Variants in PPP2R2D observed in about 807,000 individuals in gnomAD.
PPP2R2D encodes the protein protein phosphatase 2 regulatory subunit Bdelta, also known as serine/threonine-protein phosphatase 2A 55 kDa regulatory subunit B delta isoform.
Under a neutral mutation model 31.1 loss-of-function variants are expected in PPP2R2D, and 9 were observed. The ratio of observed to expected loss-of-function variants is 0.29; its 90% CI spans 0.17 to 0.51. PPP2R2D has a LOEUF of 0.51. PPP2R2D is among the 20% of genes least tolerant of loss of function. The probability of loss-of-function intolerance (pLI) is 0.98; values close to 1 mark genes in which losing one functional copy is unlikely to be tolerated. For synonymous variants in PPP2R2D, 179 were observed against 172.6 expected (o/e 1.04, Z -0.29); for missense variants, 391 against 465.6 (o/e 0.84, Z 1.48).
rs2036836786 is a variant in PPP2R2D, at chr10:131,957,814, A to G, written c.*1851A>G. 5 of 134,500 alleles carry G rather than the reference A, an allele frequency of 3.7e-5. No homozygotes were observed. Among genetic ancestry groups the G allele is most frequent in the South Asian group, 1.8e-4 (1 of 5,702 alleles). 8.3% of individuals were successfully genotyped at this position (134,500 alleles called of 1,614,324 possible). A position where few individuals can be genotyped will look rare whatever the true frequency, so the allele number is the denominator to read the frequency against. On this transcript the variant is annotated 3_prime_UTR_variant, in exon 9 of 9. Coordinates refer to ENST00000455566, the MANE Select transcript of PPP2R2D (RefSeq NM_018461.5). ...TGTGCTGATCCCCATCCCCCTGTGG[A>G]GATGAAGGTGTGTGCTGATCCCCCA...
chr10:131,924,397 G>T (rs1365603990), intron 2 of PPP2R2D, among the ~76,000 whole-genome samples: 1 of 152,008 alleles, frequency 6.6e-6, no homozygotes, highest in Non-Finnish European at 1.5e-5. Context: ...TTTGCATGTG[G>T]ATATTTAGAT....
chr10:131,943,637 G>A (rs528829901), intron 5 of PPP2R2D, among the ~76,000 whole-genome samples: 1 of 152,310 alleles, frequency 6.6e-6, no homozygotes, highest in South Asian at 2.1e-4. Flanking sequence ...TTGCTGTCCA[G>A]CGCCTCAGTG....
At chr10:131,913,460 T>A (rs1419948822) in intron 2 of PPP2R2D, among the ~76,000 whole-genome samples, 1 of 152,168 alleles carries the variant, frequency 6.6e-6, no homozygotes, top group Non-Finnish European at 1.5e-5. Context: ...ATTATACATG[T>A]GTCTTTGACT....
At chr10:131,927,435 A>G (rs558811957) in intron 2 of PPP2R2D, among the ~76,000 whole-genome samples, 40 of 152,276 alleles carry the variant, frequency 2.6e-4, no homozygotes, top group African/African-American at 9.4e-4. Flanking sequence ...GGGTTGGAGT[A>G]CAGGAGGCCC....
At chr10:131,943,938 T>C (rs2036487966) in intron 5 of PPP2R2D, 30 bp from the exon 6 acceptor site, 1 of 787,114 alleles carries the variant, frequency 1.3e-6, no homozygotes, top group Non-Finnish European at 2.3e-6. Context: ...GTGATCTTTG[T>C]TTTGAATTCC....
chr10:131,914,612 A>T (rs1351337357), intron 2 of PPP2R2D, among the ~76,000 whole-genome samples: 1 of 152,168 alleles, frequency 6.6e-6, no homozygotes, highest in Admixed American at 6.5e-5. Flanking sequence ...AGGCGGTTAC[A>T]TGTGTTAGAA....
intron 2 of PPP2R2D, among the ~76,000 whole-genome samples, chr10:131,914,753 C>G (rs1180766249): frequency 2.0e-5 from 3 of 152,166 alleles, no homozygotes; most frequent in East Asian, 1.9e-4. Context: ...AAATGCTGCT[C>G]TGGAAAGCAG....
chr10:131,920,317 TCA>T (rs530322593), intron 2 of PPP2R2D, among the ~76,000 whole-genome samples: 94 of 143,724 alleles, frequency 6.5e-4, no homozygotes, highest in African/African-American at 2.4e-3. Context: ...TGTAGGGACC[TCA>T]CGCGGGTGGA....
At chr10:131,942,963 A>G (rs2036467085) in intron 5 of PPP2R2D, among the ~76,000 whole-genome samples, 1 of 152,178 alleles carries the variant, frequency 6.6e-6, no homozygotes, top group Non-Finnish European at 1.5e-5. Flanking sequence ...TTTTTACAGA[A>G]TTCAGCCAGA....
chr10:131,928,254 T>G lies in PPP2R2D; in HGVS notation c.101-6204T>G, dbSNP rs1262855009. Reference sequence around the variant, plus strand: ...TTTTCCTTATAACCACCTCCTGGGCTGCTAGGCCACCTCAGTTCCTGGTGG... The same window carrying G: ...TTTTCCTTATAACCACCTCCTGGGCGGCTAGGCCACCTCAGTTCCTGGTGG... On this transcript the variant is annotated intron_variant, in intron 2 of 8. Transcript: ENST00000455566. Among the ~76,000 whole-genome samples the G allele has an allele frequency of 2.0e-5, 3 of 152,176 alleles. No individual in the cohort carries two copies. The East Asian group carries it at 5.8e-4, about 29-fold the overall frequency.
chr10:131,936,198 A>C (rs1453358480), intron 3 of PPP2R2D, among the ~76,000 whole-genome samples: 3 of 151,550 alleles, frequency 2.0e-5, no homozygotes, highest in Non-Finnish European at 4.4e-5. Flanking sequence ...CCTGGGCTGG[A>C]GTGCAATGGC....
At chr10:131,968,491 C>T in the PPP2R2D span, 17 of 1,540,248 alleles carry the variant, frequency 1.1e-5, no homozygotes, top group Non-Finnish European at 1.4e-5. Context: ...AGAAGTAATC[C>T]ACTAACGAAC....
intron 2 of PPP2R2D, among the ~76,000 whole-genome samples, chr10:131,906,591 C>T (rs1020740888): frequency 2.6e-5 from 4 of 152,048 alleles, no homozygotes; most frequent in African/African-American, 7.2e-5. Context: ...ATTAAGTTAA[C>T]TGTAGCATCA....
At chr10:131,970,834 G>A in the PPP2R2D span, 3 of 1,614,098 alleles carry the variant, frequency 1.9e-6, no homozygotes, top group Admixed American at 1.7e-5. The surrounding 1 kb of genome is among the most constrained non-coding windows in gnomAD (Gnocchi z 4.1). Flanking sequence ...CTGTCAAGGG[G>A]TGCCCCCGTG....
intron 2 of PPP2R2D, among the ~76,000 whole-genome samples, chr10:131,905,839 A>G (rs2035573625): frequency 6.6e-6 from 1 of 152,194 alleles, no homozygotes; most frequent in African/African-American, 2.4e-5. Flanking sequence ...ATGAAGCCCC[A>G]CTGTGGCATG....
chr10:131,944,686 A>G (rs1008056475), intron 6 of PPP2R2D, among the ~76,000 whole-genome samples: 1 of 152,104 alleles, frequency 6.6e-6, no homozygotes, highest in Non-Finnish European at 1.5e-5. Flanking sequence ...TCTGCTGTCC[A>G]GTGGCTTGAG....
In PPP2R2D at chr10:131,955,796, A is replaced by C; in HGVS notation, c.1195A>C (p.Lys399Gln). The C allele has an allele frequency of 1.2e-6, 2 of 1,600,464 alleles. No individual in the cohort carries two copies. Among genetic ancestry groups the C allele is most frequent in the East Asian group, 2.3e-5 (1 of 43,974 alleles). The change falls in exon 9 of 9, where the codon AAA becomes CAA. Residue 399 changes from lysine to glutamine, a missense_variant. Around this residue, in one of 3 missense-constraint regions of PPP2R2D, gnomAD observed 163 missense variants for 179.5 expected, o/e 0.91. Coordinates refer to ENST00000455566, the MANE Select transcript of PPP2R2D (RefSeq NM_018461.5). ...RESSKPRASL[K>Q]PRKVCTGGKR... Reference sequence around the variant, plus strand: ...GAGCAGCAAACCGCGCGCCAGCCTCAAACCCCGGAAGGTGTGTACGGGGGG... The same window carrying C: ...GAGCAGCAAACCGCGCGCCAGCCTCCAACCCCGGAAGGTGTGTACGGGGGG...
chr10:131,901,551 G>A (rs1387861516), intron 2 of PPP2R2D, among the ~76,000 whole-genome samples: 1 of 152,280 alleles, frequency 6.6e-6, no homozygotes, highest in Non-Finnish European at 1.5e-5. Flanking sequence ...CGGGCCCGCG[G>A]CGGGACTTAT....
chr10:131,904,117 T>C (rs1183333840), intron 2 of PPP2R2D, among the ~76,000 whole-genome samples: 1 of 151,578 alleles, frequency 6.6e-6, no homozygotes, highest in Non-Finnish European at 1.5e-5. Context: ...GACAGGAGGA[T>C]TGCTTAAACC....
Sources: gnomAD v4.1 joint callset for allele counts (sites outside exome capture counted in the v4.1 genomes callset) on GRCh38, gnomAD v4.1.1 for gene constraint, gnomAD v4.1.1 regional missense constraint, Gnocchi (gnomAD v3.1) non-coding constraint, MANE v1.5 for transcripts, NCBI Gene and HGNC (gene_info 2026-07-23, HGNC 2026-07-21) for gene names.